Variants in PEAK1 observed in about 807,000 individuals in gnomAD.
PEAK1 encodes the protein pseudopodium enriched atypical kinase 1.
A neutral mutation model predicts 124.7 loss-of-function variants in PEAK1; 54 were observed. The ratio of observed to expected loss-of-function variants is 0.43; its 90% CI spans 0.35 to 0.54. The LOEUF (loss-of-function observed/expected upper bound fraction) is 0.54. Among genes scored for constraint, PEAK1 ranks in the 20% least tolerant of loss-of-function variants. The pLI is 0.01. For missense variants in PEAK1, 2,046 were observed against 2,134.5 expected (o/e 0.96, Z 0.82); for synonymous variants, 719 against 760.0 (o/e 0.95, Z 0.89).
At chr15:77,178,752 T>C in intron 7 of PEAK1, 38 bp downstream of exon 7, 5 of 1,574,160 alleles carry the variant, frequency 3.2e-6, no homozygotes, top group Non-Finnish European at 4.3e-6. Context: ...GAAAATGTGT[T>C]AAAAAATTCC....
intron 5 of PEAK1, among the ~76,000 whole-genome samples, chr15:77,254,152 T>C (rs1278158524): frequency 6.6e-6 from 1 of 152,146 alleles, no homozygotes; most frequent in Non-Finnish European, 1.5e-5. Context: ...GACTATTATA[T>C]GTCTAGATTT....
chr15:77,146,304 GCAAAT>G (rs2054172217), intron 8 of PEAK1, among the ~76,000 whole-genome samples: 1 of 152,128 alleles, frequency 6.6e-6, no homozygotes. Context: ...GCAACAACTG[GCAAAT>G]CACAGGGGAT....
At chr15:77,290,250 G>C (rs1008269759) in intron 2 of PEAK1, among the ~76,000 whole-genome samples, 1 of 152,170 alleles carries the variant, frequency 6.6e-6, no homozygotes, top group African/African-American at 2.4e-5. Context: ...TCAACCTCCA[G>C]AGTAGCTGGG....
intron 5 of PEAK1, among the ~76,000 whole-genome samples, chr15:77,273,617 A>T (rs1315333794): frequency 6.6e-6 from 1 of 152,234 alleles, no homozygotes; most frequent in African/African-American, 2.4e-5. Context: ...AACACTGCTG[A>T]AAGAAATTAT....
intron 2 of PEAK1, chr15:77,336,115 G>C: frequency 1.0e-6 from 1 of 985,412 alleles, no homozygotes; most frequent in Non-Finnish European, 1.2e-6. Flanking sequence ...CAACTTCTCT[G>C]AGATGAAGCA....
chr15:77,378,939 C>T (rs2069250642), intron 1 of PEAK1, among the ~76,000 whole-genome samples: 1 of 152,132 alleles, frequency 6.6e-6, no homozygotes, highest in Admixed American at 6.5e-5. Flanking sequence ...GGATTTTGCT[C>T]GCCACCCCTA....
intron 6 of PEAK1, among the ~76,000 whole-genome samples, chr15:77,203,711 A>C (rs1276808770): frequency 8.8e-6 from 1 of 113,276 alleles, no homozygotes; most frequent in Non-Finnish European, 2.0e-5. Flanking sequence ...CTGGACATCC[A>C]AAAAAAAAAA....
chr15:77,210,042 A>C (rs915505500), intron 6 of PEAK1, among the ~76,000 whole-genome samples: 20 of 152,166 alleles, frequency 1.3e-4, no homozygotes, highest in Non-Finnish European at 1.3e-4. Flanking sequence ...TTTGAACTTT[A>C]GTTTCCTCAT....
chr15:77,394,363 G>A (rs911568324), intron 1 of PEAK1, among the ~76,000 whole-genome samples: 2 of 152,240 alleles, frequency 1.3e-5, no homozygotes, highest in African/African-American at 4.8e-5. Context: ...ACCCAGCACA[G>A]TCCCAGTAAT....
chr15:77,174,496 T>A (rs1049879336), intron 7 of PEAK1, among the ~76,000 whole-genome samples: 41 of 152,176 alleles, frequency 2.7e-4, no homozygotes, highest in African/African-American at 9.9e-4. Flanking sequence ...CAATGGTGTA[T>A]CCAAGTAAAT....
At chr15:77,210,074 T>C (rs911634367) in intron 6 of PEAK1, among the ~76,000 whole-genome samples, 4 of 152,170 alleles carry the variant, frequency 2.6e-5, no homozygotes, top group Admixed American at 6.6e-5. Context: ...GAATTAACAA[T>C]AGCAACTACC....
chr15:77,285,537 T>C (rs971139695), intron 3 of PEAK1, among the ~76,000 whole-genome samples: 29 of 152,298 alleles, frequency 1.9e-4, no homozygotes, highest in African/African-American at 6.5e-4. Context: ...CAAATACGGT[T>C]TGGAGTCAGC....
At chr15:77,402,171 A>AG in intron 1 of PEAK1, 1 of 947,902 alleles carries the variant, frequency 1.1e-6, no homozygotes, top group Non-Finnish European at 1.3e-6. Flanking sequence ...CACCTCGGAA[A>AG]AAAAAAAAAA....
intron 7 of PEAK1, among the ~76,000 whole-genome samples, chr15:77,167,186 CAAATA>C (rs1374392420): frequency 6.6e-6 from 1 of 151,930 alleles, no homozygotes; most frequent in African/African-American, 2.4e-5. Context: ...CAGGAAAGGG[CAAATA>C]AAATAATTTG....
intron 6 of PEAK1, among the ~76,000 whole-genome samples, chr15:77,203,837 T>C (rs1021346508): frequency 1.8e-4 from 28 of 151,826 alleles, no homozygotes; most frequent in African/African-American, 6.3e-4. Context: ...GGAGAAAATA[T>C]AGATGATGGT....
chr15:77,147,836 T>C (rs887855110), intron 8 of PEAK1, among the ~76,000 whole-genome samples: 21 of 152,214 alleles, frequency 1.4e-4, no homozygotes, highest in Non-Finnish European at 2.9e-4. Context: ...TAACACATTC[T>C]TTAAAGCAGA....
chr15:77,174,850 T>C (rs2056747558), intron 7 of PEAK1, among the ~76,000 whole-genome samples: 1 of 152,066 alleles, frequency 6.6e-6, no homozygotes, highest in Admixed American at 6.6e-5. Flanking sequence ...GACTTCAAAC[T>C]ATACAACAAG....
rs1391423074 is a variant in PEAK1, at chr15:77,114,388, G to T, written c.5009C>A (p.Pro1670His). ...GAAAGTCTGGAAGAGATCTTCGCGGGGGCCCCAGAGCAGACACTGGAGGAT... is the reference window on the plus strand; with the variant it reads ...GAAAGTCTGGAAGAGATCTTCGCGGTGGCCCCAGAGCAGACACTGGAGGAT... Reference protein sequence around the residue: ...KGILQCLLWGPREDLFQTFTA... With the variant: ...KGILQCLLWGHREDLFQTFTA... Residue 1670 changes from proline to histidine, a missense_variant, in exon 10 of 10, where the codon CCC becomes CAC. Coordinates refer to ENST00000682557, the MANE Select transcript of PEAK1 (RefSeq NM_001385026.1). The T allele has an allele frequency of 3.7e-6, 6 of 1,614,200 alleles. No homozygotes were observed. The highest frequency in any genetic ancestry group is 5.1e-6 in the Non-Finnish European group (6 of 1,180,028).
intron 5 of PEAK1, among the ~76,000 whole-genome samples, chr15:77,274,617 T>TA (rs1300741111): frequency 1.9e-4 from 29 of 151,310 alleles, no homozygotes; most frequent in Non-Finnish European, 3.5e-4. Context: ...AATCAAAAAT[T>TA]AAAAAACCAA....
Sources: allele counts gnomAD v4.1 joint callset (sites outside exome capture counted in the v4.1 genomes callset), GRCh38; gene constraint gnomAD v4.1.1; transcripts MANE v1.5; gene names NCBI Gene and HGNC (gene_info 2026-07-23, HGNC 2026-07-21).